NAALADL2: variants seen among roughly 807,000 people sequenced by gnomAD.
The protein encoded by NAALADL2 is N-acetylated alpha-linked acidic dipeptidase like 2.
Under a neutral mutation model 87.2 loss-of-function variants are expected in NAALADL2, and 76 were observed. The observed-to-expected ratio is 0.87, with a 90% CI of 0.72 to 1.05. NAALADL2 has a LOEUF of 1.05. Among genes scored for constraint, NAALADL2 ranks in the 50% least tolerant of loss-of-function variants. The pLI is 0.00. For missense variants in NAALADL2, 1,089 were observed against 945.8 expected (o/e 1.15, Z -1.99); for synonymous variants, 354 against 331.0 (o/e 1.07, Z -0.75).
intron 2 of NAALADL2, among the ~76,000 whole-genome samples, chr3:174,724,625 C>T (rs1283437547): frequency 6.6e-6 from 1 of 152,018 alleles, no homozygotes; most frequent in African/African-American, 2.4e-5. Flanking sequence ...GCATAGAGAG[C>T]TTTTATATTA....
intron 1 of NAALADL2, among the ~76,000 whole-genome samples, chr3:174,522,363 G>A (rs1720355671): frequency 6.6e-6 from 1 of 152,120 alleles, no homozygotes; most frequent in Admixed American, 6.5e-5. Flanking sequence ...AATGAGACTA[G>A]TGTCCTATAA....
chr3:175,013,851 G>A (rs1044956726), intron 1 of NAALADL2, among the ~76,000 whole-genome samples: 6 of 151,984 alleles, frequency 3.9e-5, no homozygotes, highest in African/African-American at 1.4e-4. Flanking sequence ...CATTCCTTAA[G>A]TTTTGATTGG....
At chr3:175,719,034 C>T (rs529111683) in intron 11 of NAALADL2, among the ~76,000 whole-genome samples, 5 of 152,020 alleles carry the variant, frequency 3.3e-5, no homozygotes, top group Admixed American at 2.0e-4. Context: ...TTTTTAGTTG[C>T]GATTGGGCCA....
At chr3:175,045,280 T>A (rs981945964) in intron 1 of NAALADL2, among the ~76,000 whole-genome samples, 3 of 152,166 alleles carry the variant, frequency 2.0e-5, no homozygotes, top group Admixed American at 6.5e-5. Flanking sequence ...TGAATGTCCT[T>A]TTCAAGAAAA....
chr3:175,046,910 A>G (rs1182982613), intron 1 of NAALADL2, among the ~76,000 whole-genome samples: 1 of 152,180 alleles, frequency 6.6e-6, no homozygotes, highest in Non-Finnish European at 1.5e-5. Flanking sequence ...CACATAAACA[A>G]TGGAAATGTA....
At chr3:175,246,086 C>G (rs960235052) in intron 3 of NAALADL2, among the ~76,000 whole-genome samples, 1 of 152,078 alleles carries the variant, frequency 6.6e-6, no homozygotes. Flanking sequence ...AACAGAAGCA[C>G]CAATATAATT....
intron 2 of NAALADL2, among the ~76,000 whole-genome samples, chr3:174,722,169 A>G (rs897731806): frequency 2.8e-4 from 43 of 152,124 alleles, no homozygotes; most frequent in African/African-American, 8.7e-4. Context: ...CCCATCCTCT[A>G]GAAAGGCAAA....
intron 3 of NAALADL2, among the ~76,000 whole-genome samples, chr3:175,244,069 C>T (rs915757551): frequency 6.6e-6 from 1 of 152,170 alleles, no homozygotes; most frequent in Non-Finnish European, 1.5e-5. Flanking sequence ...GCCCTCTACC[C>T]ATACCATAGG....
At chr3:174,854,184 A>G (rs993241033) in intron 3 of NAALADL2, among the ~76,000 whole-genome samples, 6 of 152,218 alleles carry the variant, frequency 3.9e-5, no homozygotes, top group Non-Finnish European at 5.9e-5. Flanking sequence ...ATACATAATA[A>G]GAGTATTATT....
chr3:175,573,038 C>T (rs1477852424), intron 9 of NAALADL2, among the ~76,000 whole-genome samples: 1 of 151,874 alleles, frequency 6.6e-6, no homozygotes, highest in Non-Finnish European at 1.5e-5. Flanking sequence ...CTAATGATGA[C>T]AATGAAAATA....
At chr3:175,750,616 T>C (rs1746511390) in intron 12 of NAALADL2, among the ~76,000 whole-genome samples, 1 of 152,144 alleles carries the variant, frequency 6.6e-6, no homozygotes, top group African/African-American at 2.4e-5. Context: ...TCTCCCTCAA[T>C]TGCTTTAATG....
chr3:175,691,547 T>C (rs1737051390), intron 11 of NAALADL2, among the ~76,000 whole-genome samples: 1 of 151,930 alleles, frequency 6.6e-6, no homozygotes. Flanking sequence ...GTTTAAAATT[T>C]TATCATCTAT....
chr3:175,316,192 C>G (rs138504625), intron 4 of NAALADL2, among the ~76,000 whole-genome samples: 160 of 152,212 alleles, frequency 1.1e-3, no homozygotes, highest in Middle Eastern at 3.4e-3. Context: ...TTTTTTACCT[C>G]TCTTGGTTAT....
At chr3:175,258,164 C>A (rs1276049028) in intron 4 of NAALADL2, among the ~76,000 whole-genome samples, 3 of 151,708 alleles carry the variant, frequency 2.0e-5, no homozygotes, top group Non-Finnish European at 4.4e-5. Flanking sequence ...AAAAATTAGC[C>A]AGGCGTGGTG....
chr3:175,139,589 A>G (rs910011433), intron 2 of NAALADL2, among the ~76,000 whole-genome samples: 1 of 152,004 alleles, frequency 6.6e-6, no homozygotes, highest in Non-Finnish European at 1.5e-5. Flanking sequence ...ACCTTCTTAT[A>G]TTTTATTATC....
intron 5 of NAALADL2, among the ~76,000 whole-genome samples, chr3:175,382,843 T>A (rs553135640): frequency 2.0e-5 from 3 of 152,068 alleles, no homozygotes; most frequent in African/African-American, 7.2e-5. Flanking sequence ...TATACTTTTT[T>A]AAAAAAATAA....
At chr3:174,899,661 C>T (rs1732066708) in intron 1 of NAALADL2, among the ~76,000 whole-genome samples, 1 of 152,108 alleles carries the variant, frequency 6.6e-6, no homozygotes, top group Admixed American at 6.5e-5. Context: ...GAGCCAATTC[C>T]ACCTCTTTGC....
chr3:175,725,516 G>A (rs886377152), intron 11 of NAALADL2, among the ~76,000 whole-genome samples: 1 of 152,018 alleles, frequency 6.6e-6, no homozygotes, highest in Admixed American at 6.6e-5. Flanking sequence ...CTTGCTCAGG[G>A]CTTTATTTTA....
At chr3:175,790,009 T>TTTAG (rs1752584715) in intron 13 of NAALADL2, among the ~76,000 whole-genome samples, 1 of 152,134 alleles carries the variant, frequency 6.6e-6, no homozygotes, top group South Asian at 2.1e-4. Flanking sequence ...GTAACAATTA[T>TTTAG]TTAGTTATCT....
Sources: allele counts gnomAD v4.1 joint callset (sites outside exome capture counted in the v4.1 genomes callset), GRCh38; gene constraint gnomAD v4.1.1; transcripts MANE v1.5; gene names NCBI Gene and HGNC (gene_info 2026-07-23, HGNC 2026-07-21).